Variants in RGS9 observed in about 807,000 individuals in gnomAD.
RGS9 encodes regulator of G-protein signalling 9.
RGS9 carries 78 observed loss-of-function variants against 102.0 expected under a neutral mutation model. The ratio of observed to expected loss-of-function variants is 0.76; its 90% CI spans 0.64 to 0.92. The LOEUF (loss-of-function observed/expected upper bound fraction) is 0.92. Ranked by LOEUF, RGS9 falls within the 40% of genes least tolerant of loss-of-function variation. The pLI, the probability that RGS9 is intolerant of heterozygous loss-of-function variation, is 0.00. For missense variants in RGS9, 833 were observed against 866.1 expected (o/e 0.96, Z 0.48); for synonymous variants, 353 against 318.6 (o/e 1.11, Z -1.15).
At chr17:65,193,519 A>G (rs371658942) in intron 11 of RGS9, 24 bp from the exon 12 acceptor site, 1 of 1,484,478 alleles carries the variant, frequency 6.7e-7, no homozygotes, top group Non-Finnish European at 9.4e-7. Context: ...GCTTCTAGGA[A>G]ATCATTTTCT....
intron 18 of RGS9, 66 bp from the exon 19 acceptor site, chr17:65,227,209 A>T: frequency 1.2e-6 from 2 of 1,608,134 alleles, no homozygotes; most frequent in Admixed American, 1.7e-5. Flanking sequence ...TGTCAGGATG[A>T]TTTGGGGAGG....
At chr17:65,196,793 T>C (rs938885619) in intron 12 of RGS9, among the ~76,000 whole-genome samples, 2 of 152,228 alleles carry the variant, frequency 1.3e-5, no homozygotes, top group African/African-American at 4.8e-5. Context: ...GACCCTCTGC[T>C]GGCCAGGCTC....
intron 1 of RGS9, among the ~76,000 whole-genome samples, chr17:65,151,308 G>A (rs1239265067): frequency 6.7e-6 from 1 of 149,560 alleles, no homozygotes; most frequent in Non-Finnish European, 1.5e-5. Flanking sequence ...TCGTGCCACT[G>A]CATTCCAGCC....
At chr17:65,224,962 T>C in intron 17 of RGS9, 40 bp from the exon 18 acceptor site, 4 of 1,610,910 alleles carry the variant, frequency 2.5e-6, no homozygotes, top group Non-Finnish European at 3.4e-6. Flanking sequence ...GCTGGGGCCA[T>C]GCAACTCACC....
At chr17:65,203,030 G>T (rs1315545727) in intron 14 of RGS9, among the ~76,000 whole-genome samples, 1 of 152,230 alleles carries the variant, frequency 6.6e-6, no homozygotes, top group Non-Finnish European at 1.5e-5. Context: ...ACCAGACTGT[G>T]GTGCTGAACT....
At position 65,158,466 on chromosome 17, in the gene RGS9, A is replaced by G. The variant is rs576252345; in HGVS notation, c.205+121A>G. On this transcript the variant is annotated intron_variant, in intron 3 of 18. Coordinates refer to ENST00000262406, the MANE Select transcript of RGS9 (RefSeq NM_003835.4). ...TTTACATTTTAATTGGACAGACATG[A>G]CCTTCGTGTGTAAAAGTACCAGAAT... 134 of 934,136 alleles carry G rather than the reference A, an allele frequency of 1.4e-4. 2 individuals are homozygous for G. Among genetic ancestry groups the G allele is most frequent in the Admixed American group, 7.6e-4 (44 of 58,230 alleles). 57.9% of individuals were successfully genotyped at this position (934,136 alleles called of 1,614,324 possible).
intron 17 of RGS9, among the ~76,000 whole-genome samples, chr17:65,222,908 G>A (rs756976903): frequency 6.6e-6 from 1 of 152,140 alleles, no homozygotes; most frequent in African/African-American, 2.4e-5. Context: ...TGATGTGGCC[G>A]ATCTGTAGAC....
chr17:65,221,467 A>G (rs1198679411), intron 17 of RGS9, among the ~76,000 whole-genome samples: 1 of 152,158 alleles, frequency 6.6e-6, no homozygotes, highest in East Asian at 1.9e-4. Flanking sequence ...GTATTTTTGG[A>G]TGGCAATGTG....
chr17:65,190,858 A>G (rs906224175), intron 11 of RGS9, among the ~76,000 whole-genome samples: 1 of 152,220 alleles, frequency 6.6e-6, no homozygotes, highest in Non-Finnish European at 1.5e-5. Context: ...TCCTGCACAC[A>G]TGAAAATAAA....
intron 3 of RGS9, 25 bp from the exon 4 acceptor site, chr17:65,160,208 T>C (rs779726109): frequency 7.0e-6 from 11 of 1,561,528 alleles, no homozygotes; most frequent in Middle Eastern, 1.7e-4. Context: ...GCTCTTAACA[T>C]CCATGTCTGA....
At chr17:65,201,407 C>G (rs1598611170) in intron 13 of RGS9, among the ~76,000 whole-genome samples, 2 of 152,176 alleles carry the variant, frequency 1.3e-5, no homozygotes. Flanking sequence ...AACCGTTGGC[C>G]TGGAATATGT....
intron 18 of RGS9, among the ~76,000 whole-genome samples, chr17:65,225,780 A>G (rs1233780951): frequency 2.0e-5 from 3 of 152,204 alleles, no homozygotes; most frequent in Non-Finnish European, 4.4e-5. Context: ...TCCCATCCCA[A>G]GACCGTTATT....
chr17:65,201,017 A>C (rs530597079), intron 13 of RGS9, among the ~76,000 whole-genome samples: 1 of 152,100 alleles, frequency 6.6e-6, no homozygotes, highest in South Asian at 2.1e-4. Flanking sequence ...TAACCCCTTA[A>C]TTGTTCAAGG....
At chr17:65,147,563 A>C (rs1048841106) in intron 1 of RGS9, among the ~76,000 whole-genome samples, 5 of 127,984 alleles carry the variant, frequency 3.9e-5, no homozygotes, top group African/African-American at 2.1e-4. Context: ...ATGCACCTGG[A>C]TCATTCTCTC....
chr17:65,148,491 T>C (rs1910454844), intron 1 of RGS9, among the ~76,000 whole-genome samples: 1 of 152,232 alleles, frequency 6.6e-6, no homozygotes, highest in South Asian at 2.1e-4. Context: ...TGAACCTCCA[T>C]ACTGTTTTCC....
intron 17 of RGS9, 145 bp from the exon 18 acceptor site, chr17:65,224,857 C>T (rs1237078080): frequency 1.1e-5 from 12 of 1,109,298 alleles, no homozygotes; most frequent in Middle Eastern, 2.9e-4. Context: ...CTTTGGACAC[C>T]GTTCCCAGCT....
rs546149016 is a variant in RGS9, at chr17:65,215,142, C to T, written c.1407+4537C>T. Among the ~76,000 whole-genome samples, 37 of 152,112 alleles carry T rather than the reference C, an allele frequency of 2.4e-4. No individual in the cohort carries two copies. The East Asian group carries it at 4.2e-3, about 17-fold the overall frequency. On this transcript the variant is annotated intron_variant, in intron 17 of 18. Coordinates refer to ENST00000262406, the MANE Select transcript of RGS9 (RefSeq NM_003835.4). The stretch of plus-strand genomic sequence containing the variant: ...GAAATCAGGAGCTGAGGAGTGAAGA[C>T]GAGTTAAGAAGTGGTTGCTGTGGTC...
chr17:65,183,061 AATCTATCT>A (rs68149271), intron 9 of RGS9, among the ~76,000 whole-genome samples: 8,812 of 114,250 alleles, frequency 0.077, 338 homozygotes, highest in Non-Finnish European at 0.089. Context: ...AATTTTTTTA[AATCTATCT>A]ATCTATCTAT....
rs1194017188 is a variant in RGS9, at chr17:65,227,382, T to G, written c.2000T>G (p.Val667Gly). 2 of 1,613,340 alleles carry G rather than the reference T, an allele frequency of 1.2e-6. No homozygotes were observed. Among genetic ancestry groups the G allele is most frequent in the South Asian group, 2.2e-5 (2 of 91,008 alleles). ...GGTGACCGGGCCACAGAAAAGGAGG[T>G]CATCTGCCCCTGGGAGAGCCTGTAA... ...ESGDRATEKE[V>G]ICPWESL The change falls in exon 19 of 19, where the codon GTC (valine) becomes GGC (glycine). Residue 667 changes from valine to glycine, a missense_variant. Val to Gly is a moderately radical substitution (Grantham distance 109). This residue lies in a region of RGS9 where 320 missense variants were observed against 276.8 expected (regional missense o/e 1.16). Coordinates refer to ENST00000262406, the MANE Select transcript of RGS9 (RefSeq NM_003835.4).
Sources: allele counts gnomAD v4.1 joint callset (sites outside exome capture counted in the v4.1 genomes callset), GRCh38; gene constraint gnomAD v4.1.1; regional missense constraint gnomAD v4.1.1; transcripts MANE v1.5; gene names NCBI Gene and HGNC (gene_info 2026-07-23, HGNC 2026-07-21).